UBE2K: variants seen among roughly 807,000 people sequenced by gnomAD.
UBE2K encodes the protein ubiquitin-conjugating enzyme E2 K.
UBE2K carries 6 observed loss-of-function variants against 30.0 expected under a neutral mutation model. The observed-to-expected ratio is 0.20, with a 90% confidence interval of 0.11 to 0.39. The LOEUF is 0.39. UBE2K is among the 10% of genes least tolerant of loss of function. The pLI is 1.00. For missense variants in UBE2K, 61 were observed against 241.6 expected (o/e 0.25, Z 4.96); for synonymous variants, 86 against 83.7 (o/e 1.03, Z -0.15).
intron 4 of UBE2K, among the ~76,000 whole-genome samples, chr4:39,762,860 C>T (rs947949216): frequency 8.6e-5 from 13 of 151,684 alleles, no homozygotes; most frequent in Admixed American, 5.9e-4. Flanking sequence ...TCTCGAACTC[C>T]TGACCTCATG....
chr4:39,702,695 ACTTGATCTAG>A (rs1249882857), intron 1 of UBE2K, among the ~76,000 whole-genome samples: 14 of 152,298 alleles, frequency 9.2e-5, no homozygotes, highest in Non-Finnish European at 1.5e-4. Context: ...ATTTTAATGT[ACTTGATCTAG>A]CTTGATCTAG....
intron 1 of UBE2K, among the ~76,000 whole-genome samples, chr4:39,714,776 C>T (rs1350469803): frequency 6.6e-6 from 1 of 150,952 alleles, no homozygotes; most frequent in Non-Finnish European, 1.5e-5. Context: ...GTCTCGATCT[C>T]CTGACCTCGT....
At chr4:39,753,662 G>A (rs1318517002) in intron 3 of UBE2K, among the ~76,000 whole-genome samples, 1 of 152,166 alleles carries the variant, frequency 6.6e-6, no homozygotes, top group African/African-American at 2.4e-5. Flanking sequence ...TGAAGAGTAG[G>A]AATTAGTTGG....
intron 4 of UBE2K, among the ~76,000 whole-genome samples, chr4:39,757,025 G>GTTTTTTTT (rs1462859142): frequency 1.4e-5 from 1 of 70,942 alleles, no homozygotes; most frequent in Non-Finnish European, 2.8e-5. Flanking sequence ...TTTGTTTTTT[G>GTTTTTTTT]TTTTTTGTTT....
chr4:39,721,155 A>G (rs1055415021), intron 1 of UBE2K, among the ~76,000 whole-genome samples: 2 of 152,148 alleles, frequency 1.3e-5, no homozygotes, highest in Non-Finnish European at 2.9e-5. Flanking sequence ...AGGCTAGGAA[A>G]TCTTCTTTAG....
At chr4:39,714,784 C>T (rs898858706) in intron 1 of UBE2K, among the ~76,000 whole-genome samples, 29 of 151,106 alleles carry the variant, frequency 1.9e-4, no homozygotes, top group African/African-American at 6.8e-4. Flanking sequence ...CTCCTGACCT[C>T]GTGATGTGCC....
At position 39,702,226 on chromosome 4, in the gene UBE2K, CTTTTCTTTTTTTTTTTTTTTTTTTTT is replaced by C. The variant is rs1335503760; in HGVS notation, c.63+3841_63+3866del. ...GTAACATTTTCTTTTCTTTTCTTTT[CTTTTCTTTTTTTTTTTTTTTTTTTTT>C]TTTTTTTTTTTTTTTTTTTGAGACG... On this transcript the variant is annotated intron_variant, in intron 1 of 6. Transcript: ENST00000261427. Among the ~76,000 whole-genome samples the C allele has an allele frequency of 2.3e-3, 212 of 90,852 alleles. 3 individuals carry two copies. In the East Asian group the frequency reaches 0.031, roughly 13 times the overall value. 59.6% of individuals were successfully genotyped at this position (90,852 alleles called of 152,430 possible).
intron 4 of UBE2K, among the ~76,000 whole-genome samples, chr4:39,765,126 C>T (rs1306648051): frequency 6.6e-6 from 1 of 151,960 alleles, no homozygotes; most frequent in Non-Finnish European, 1.5e-5. Flanking sequence ...ACCTCGTGAT[C>T]CGCCCGCCTT....
At chr4:39,774,312 AAAG>A (rs1713144118) in intron 4 of UBE2K, among the ~76,000 whole-genome samples, 2 of 151,846 alleles carry the variant, frequency 1.3e-5, no homozygotes, top group Non-Finnish European at 2.9e-5. Flanking sequence ...TCATTAAAAA[AAAG>A]AAAAAAGGCC....
At chr4:39,700,278 A>G (rs1252875807) in intron 1 of UBE2K, among the ~76,000 whole-genome samples, 2 of 152,202 alleles carry the variant, frequency 1.3e-5, no homozygotes, top group African/African-American at 4.8e-5. Context: ...ACTGCTCTTT[A>G]TACGTAAGGG....
At chr4:39,716,887 G>A (rs183024780) in intron 1 of UBE2K, among the ~76,000 whole-genome samples, 6 of 151,516 alleles carry the variant, frequency 4.0e-5, no homozygotes, top group Admixed American at 1.3e-4. Context: ...AATCCCAGCT[G>A]CTTGGGAAGC....
rs185616780 is a variant in UBE2K, at chr4:39,720,491, A to G, written c.64-16929A>G. The stretch of plus-strand genomic sequence containing the variant: ...TAAAATGGACATGATCCTTGCTGTT[A>G]TGGAATAAATTATGGCTCAGTAAGG... On this transcript the variant is annotated intron_variant, in intron 1 of 6. Coordinates refer to ENST00000261427, the MANE Select transcript of UBE2K (RefSeq NM_005339.5). Among the ~76,000 whole-genome samples, 10 of 152,272 alleles carry G rather than the reference A, an allele frequency of 6.6e-5. No individual in the cohort carries two copies. The East Asian group carries it at 1.5e-3, about 23-fold the overall frequency.
chr4:39,760,927 TAC>T (rs1711900016), intron 4 of UBE2K: 1 of 152,202 alleles, frequency 6.6e-6, no homozygotes, highest in Admixed American at 6.5e-5. Flanking sequence ...CATGGATATA[TAC>T]AGATATAAAA....
At chr4:39,769,436 G>A (rs986205827) in intron 4 of UBE2K, among the ~76,000 whole-genome samples, 1 of 111,508 alleles carries the variant, frequency 9.0e-6, no homozygotes, top group Non-Finnish European at 1.7e-5. Context: ...TTGCTATTGT[G>A]CCCCCACTTC....
At chr4:39,763,582 C>A (rs1320244537) in intron 4 of UBE2K, among the ~76,000 whole-genome samples, 2 of 152,038 alleles carry the variant, frequency 1.3e-5, no homozygotes, top group Non-Finnish European at 2.9e-5. Flanking sequence ...CTCACATGAA[C>A]TCAGTCATCA....
chr4:39,719,401 A>G (rs1334095658), intron 1 of UBE2K, among the ~76,000 whole-genome samples: 2 of 152,088 alleles, frequency 1.3e-5, no homozygotes, highest in East Asian at 1.9e-4. Context: ...GAGGGCTCAT[A>G]TTCATTTTTT....
chr4:39,769,592 T>C (rs1578502330), intron 4 of UBE2K, among the ~76,000 whole-genome samples: 1 of 150,794 alleles, frequency 6.6e-6, no homozygotes, highest in Non-Finnish European at 1.5e-5. Flanking sequence ...TGGGACTCAA[T>C]AATCTTTTCC....
chr4:39,781,984 A>T lies in UBE2K; in HGVS notation c.*3550A>T. 1 of 398,434 alleles carries T rather than the reference A, an allele frequency of 2.5e-6. No individual in the cohort carries two copies. Among genetic ancestry groups the T allele is most frequent in the Non-Finnish European group, 4.4e-6 (1 of 225,898 alleles). The allele number at this position is 398,434 out of a possible 1,614,324, so 24.7% of individuals were successfully genotyped here. On this transcript the variant is annotated 3_prime_UTR_variant, in exon 7 of 7. Transcript: ENST00000261427. ...AGTGTGACTTTTCTTCAGTGTCTAC[A>T]TATTATGTCACACGTTCTATTTGCA...
rs569356675 is a variant in UBE2K at position 39,745,624 on chromosome 4, G to T, written c.158-128G>T. 22 of 650,442 alleles carry T rather than the reference G, an allele frequency of 3.4e-5. No homozygotes were observed. The East Asian group carries it at 5.9e-4, about 17-fold the overall frequency. 40.3% of individuals were successfully genotyped at this position (650,442 alleles called of 1,614,324 possible). On this transcript the variant is annotated intron_variant, in intron 2 of 6. Transcript: ENST00000261427. ...AGTGCTTTTGATTACTTTCTTTCTGGATTTCAACTTTAAAATGAATTTTTA... is the reference window on the plus strand; with the variant it reads ...AGTGCTTTTGATTACTTTCTTTCTGTATTTCAACTTTAAAATGAATTTTTA...
Sources: gnomAD v4.1 joint callset for allele counts (sites outside exome capture counted in the v4.1 genomes callset) on GRCh38, gnomAD v4.1.1 for gene constraint, MANE v1.5 for transcripts, NCBI Gene and HGNC (gene_info 2026-07-23, HGNC 2026-07-21) for gene names.